MID1: variants seen among roughly 807,000 people sequenced by gnomAD.
The protein encoded by MID1 is midline 1, also known as E3 ubiquitin-protein ligase Midline-1.
A neutral mutation model predicts 40.4 loss-of-function variants in MID1; 7 were observed. The observed-to-expected ratio is 0.17, with a 90% CI of 0.10 to 0.33. The LOEUF (loss-of-function observed/expected upper bound fraction) is 0.33. MID1 is among the 10% of genes least tolerant of loss of function. The pLI is 1.00. For missense variants in MID1, 367 were observed against 558.5 expected (o/e 0.66, Z 3.46); for synonymous variants, 229 against 221.2 (o/e 1.04, Z -0.31).
intron 1 of MID1, among the ~76,000 whole-genome samples, chrX:10,578,614 A>G (rs1934932258): frequency 8.9e-6 from 1 of 112,646 alleles, no homozygotes; most frequent in Non-Finnish European, 1.9e-5. Context: ...CACAGAACCT[A>G]TTTTACATTA....
At chrX:10,460,555 T>C (rs1028574230) in intron 7 of MID1, among the ~76,000 whole-genome samples, 1 of 111,075 alleles carries the variant, frequency 9.0e-6, no homozygotes, top group Admixed American at 9.6e-5. Context: ...CTCCCCTCTC[T>C]CCTTTTTCCA....
intron 3 of MID1, 61 bp downstream of exon 3, chrX:10,523,030 CA>C (rs1466204129): frequency 1.2e-6 from 1 of 835,228 alleles, no homozygotes; most frequent in African/African-American, 2.0e-5. Flanking sequence ...ATGAGGATAT[CA>C]AAACCTTGAT....
chrX:10,654,243 G>A (rs1253773513), intron 1 of MID1, among the ~76,000 whole-genome samples: 2 of 111,851 alleles, frequency 1.8e-5, no homozygotes, highest in African/African-American at 3.2e-5. Flanking sequence ...CCTCTACCTC[G>A]AGAATATAAT....
intron 3 of MID1, among the ~76,000 whole-genome samples, chrX:10,520,310 AT>A (rs1445298138): frequency 2.7e-5 from 3 of 111,874 alleles, no homozygotes; most frequent in Non-Finnish European, 5.6e-5. Flanking sequence ...CTCACCATTC[AT>A]TTAAGTTGCA....
At chrX:10,739,073 G>T (rs191279448) in intron 1 of MID1, among the ~76,000 whole-genome samples, 2 of 111,582 alleles carry the variant, frequency 1.8e-5, no homozygotes, top group Admixed American at 1.9e-4. Context: ...GCGATATTTT[G>T]TTAGGAGGAA....
At chrX:10,680,907 C>T (rs1021106612) in intron 1 of MID1, among the ~76,000 whole-genome samples, 12 of 108,297 alleles carry the variant, frequency 1.1e-4, no homozygotes, top group African/African-American at 3.7e-4. Context: ...TGTGGTGGCG[C>T]GGCCTGTATT....
In MID1 at chrX:10,454,857, A is replaced by G; in HGVS notation, c.1655+13T>C. The G allele has an allele frequency of 8.4e-7, 1 of 1,192,123 alleles. No individual in the cohort carries two copies. The highest frequency in any genetic ancestry group is 1.7e-5 in the African/African-American group (1 of 57,466). On this transcript the variant is annotated intron_variant, in intron 9 of 9. Coordinates refer to ENST00000317552, the MANE Select transcript of MID1 (RefSeq NM_000381.4). The stretch of plus-strand genomic sequence containing the variant: ...TTTTTATAACTGCAGGACAATAGAA[A>G]TAAGTTGCTTACCATGTGCTTCCAC...
intron 1 of MID1, among the ~76,000 whole-genome samples, chrX:10,711,053 T>C (rs7051690): frequency 0.17 from 18,372 of 111,040 alleles, 2,422 homozygotes; most frequent in African/African-American, 0.45. Flanking sequence ...TGCCTCCTCT[T>C]CACATCCCCA....
chrX:10,482,344 A>T, intron 5 of MID1, 136 bp downstream of exon 5: 2 of 689,759 alleles, frequency 2.9e-6, no homozygotes, highest in South Asian at 2.2e-5. Context: ...GGAACAAAAC[A>T]GCTCAAAGCC....
intron 2 of MID1, among the ~76,000 whole-genome samples, chrX:10,539,602 T>C (rs1024884896): frequency 6.2e-5 from 7 of 112,609 alleles, no homozygotes; most frequent in African/African-American, 1.9e-4. Flanking sequence ...CTGAGCCACA[T>C]ATGTAACTAT....
intron 1 of MID1, among the ~76,000 whole-genome samples, chrX:10,669,658 C>T (rs1055523375): frequency 8.9e-6 from 1 of 111,795 alleles, no homozygotes; most frequent in Non-Finnish European, 1.9e-5. Context: ...ACAGATGTCA[C>T]CTTGAATGGA....
intron 6 of MID1, 49 bp downstream of exon 6, chrX:10,474,574 T>G: frequency 8.5e-7 from 1 of 1,175,460 alleles, no homozygotes; most frequent in Non-Finnish European, 1.2e-6. Context: ...GGCAAAGTGT[T>G]TATATCACTA....
intron 1 of MID1, among the ~76,000 whole-genome samples, chrX:10,715,342 C>G (rs2043293923): frequency 1.8e-5 from 2 of 112,012 alleles, no homozygotes; most frequent in Admixed American, 1.9e-4. Context: ...GGGTTACTCC[C>G]ACCCTAATAC....
chrX:10,697,875 C>T (rs1489202364), intron 1 of MID1, among the ~76,000 whole-genome samples: 1 of 111,893 alleles, frequency 8.9e-6, no homozygotes, highest in Admixed American at 9.5e-5. Context: ...CAGCATCCCC[C>T]ACATCTCAGT....
rs931332498 is a variant in MID1 at position 10,633,978 on chromosome X, T to C, written c.-186-13559A>G. On this transcript the variant is annotated intron_variant, in intron 1 of 10. Coordinates refer to the MID1 transcript ENST00000380785. The stretch of plus-strand genomic sequence containing the variant: ...CCCCTCCCCTACAGCCCACATCACA[T>C]GACATAACTGCACGAAAGGCCACTC... 2.7e-5 allele frequency among the ~76,000 whole-genome samples: 3 copies of C among 110,378 alleles called. No homozygotes were observed. In the South Asian group the frequency reaches 1.2e-3, roughly 43 times the overall value.
intron 1 of MID1, among the ~76,000 whole-genome samples, chrX:10,708,177 A>C (rs1485661707): frequency 8.9e-6 from 1 of 112,832 alleles, no homozygotes; most frequent in Non-Finnish European, 1.9e-5. Context: ...GTATTTGTTC[A>C]AATCATAAAA....
intron 1 of MID1, among the ~76,000 whole-genome samples, chrX:10,729,096 C>A (rs997248167): frequency 1.7e-4 from 19 of 111,695 alleles, no homozygotes; most frequent in African/African-American, 6.2e-4. Context: ...TTTGTGAGTC[C>A]CTAATGAATG....
Position 10,651,550 on chromosome X carries a change from C to T in MID1, c.-186-31131G>A, listed in dbSNP as rs368863897. 1.7e-4 allele frequency among the ~76,000 whole-genome samples: 19 copies of T among 112,617 alleles called. No homozygotes were observed. The East Asian group carries it at 2.2e-3, about 13-fold the overall frequency. On this transcript the variant is annotated intron_variant, in intron 1 of 10. Coordinates refer to the MID1 transcript ENST00000380785. ...TTTGAAGACAGTCATTATGCCTCTACGTCTACTTGCTTCTGGGCTATTCAT... is the reference window on the plus strand; with the variant it reads ...TTTGAAGACAGTCATTATGCCTCTATGTCTACTTGCTTCTGGGCTATTCAT...
chrX:10,726,321 C>G (rs1172246175), intron 1 of MID1, among the ~76,000 whole-genome samples: 1 of 111,713 alleles, frequency 9.0e-6, no homozygotes, highest in Non-Finnish European at 1.9e-5. Context: ...ACATCTAATT[C>G]TCTGTGAGGG....
Sources: allele counts gnomAD v4.1 joint callset (sites outside exome capture counted in the v4.1 genomes callset), GRCh38; gene constraint gnomAD v4.1.1; transcripts MANE v1.5; gene names NCBI Gene and HGNC (gene_info 2026-07-23, HGNC 2026-07-21).